Variants in GAD2 observed in about 807,000 individuals in gnomAD.
GAD2 encodes 65 kDa glutamic acid decarboxylase.
Under a neutral mutation model 80.1 loss-of-function variants are expected in GAD2, and 22 were observed. The ratio of observed to expected loss-of-function variants is 0.27; its 90% CI spans 0.20 to 0.39. The LOEUF is 0.39. GAD2 is among the 10% of genes least tolerant of loss of function. GAD2 has a pLI of 1.00. For synonymous variants in GAD2, 274 were observed against 256.9 expected (o/e 1.07, Z -0.64); for missense variants, 624 against 738.4 (o/e 0.85, Z 1.80).
intron 7 of GAD2, among the ~76,000 whole-genome samples, chr10:26,235,854 C>T (rs1844663877): frequency 6.6e-6 from 1 of 152,214 alleles, no homozygotes; most frequent in Non-Finnish European, 1.5e-5. Context: ...CCAAATTCCT[C>T]TTATTTCTTT....
At chr10:26,284,133 CT>C (rs1158183941) in intron 12 of GAD2, among the ~76,000 whole-genome samples, 3 of 152,152 alleles carry the variant, frequency 2.0e-5, no homozygotes, top group Non-Finnish European at 2.9e-5. Context: ...AAATCCAAGA[CT>C]TTATGATGCT....
intron 11 of GAD2, among the ~76,000 whole-genome samples, chr10:26,279,158 A>G (rs1845244855): frequency 6.6e-6 from 1 of 152,184 alleles, no homozygotes; most frequent in Admixed American, 6.5e-5. Flanking sequence ...GAGCCATGAC[A>G]TTCACAGTGG....
chr10:26,221,125 G>A (rs764524478), intron 4 of GAD2, among the ~76,000 whole-genome samples: 1 of 152,160 alleles, frequency 6.6e-6, no homozygotes, highest in Admixed American at 6.5e-5. Context: ...TCTCTATTCA[G>A]CTGGCAACTT....
intron 8 of GAD2, among the ~76,000 whole-genome samples, chr10:26,266,294 C>G (rs370242703): frequency 3.3e-5 from 5 of 152,288 alleles, no homozygotes; most frequent in East Asian, 1.9e-4. Flanking sequence ...CTGACCTACT[C>G]AATCAAAATC....
At chr10:26,279,910 C>T (rs1040375561) in intron 11 of GAD2, among the ~76,000 whole-genome samples, 10 of 152,164 alleles carry the variant, frequency 6.6e-5, no homozygotes, top group Admixed American at 4.6e-4. Context: ...TACAAAAGGA[C>T]GCATCTGAGA....
At chr10:26,277,960 G>A (rs1845230556) in intron 11 of GAD2, among the ~76,000 whole-genome samples, 1 of 151,886 alleles carries the variant, frequency 6.6e-6, no homozygotes, top group Non-Finnish European at 1.5e-5. Context: ...GAATCCCACA[G>A]CAAAACATTT....
In GAD2 at chr10:26,300,777, C is replaced by T; in HGVS notation, c.1585-11C>T. 1 of 1,612,820 alleles carries T rather than the reference C, an allele frequency of 6.2e-7. No homozygotes were observed. The highest frequency in any genetic ancestry group is 8.5e-7 in the Non-Finnish European group (1 of 1,179,072). On this transcript the variant is annotated splice_polypyrimidine_tract_variant and intron_variant, in intron 15 of 15. Transcript: ENST00000376261. ...GAGAAAGTCACCATGCTGATATGGTCTGTCCCACAGGTGGCTCCAGTGATT... is the reference window on the plus strand; with the variant it reads ...GAGAAAGTCACCATGCTGATATGGTTTGTCCCACAGGTGGCTCCAGTGATT...
intron 8 of GAD2, among the ~76,000 whole-genome samples, chr10:26,255,945 G>C (rs1368596130): frequency 6.6e-6 from 1 of 152,034 alleles, no homozygotes; most frequent in African/African-American, 2.4e-5. Context: ...GGCCAGCCTG[G>C]GCTTAGCCTA....
chr10:26,254,609 G>A (rs939533783), intron 8 of GAD2, among the ~76,000 whole-genome samples: 6 of 152,238 alleles, frequency 3.9e-5, no homozygotes, highest in Non-Finnish European at 7.3e-5. Flanking sequence ...TGTCATGTGG[G>A]CCTTATGAGC....
intron 7 of GAD2, among the ~76,000 whole-genome samples, chr10:26,240,959 G>A (rs929763371): frequency 2.7e-5 from 4 of 150,332 alleles, no homozygotes; most frequent in African/African-American, 4.9e-5. Context: ...GAAGAATGGC[G>A]TGAATCCGGG....
intron 8 of GAD2, among the ~76,000 whole-genome samples, chr10:26,267,667 T>G (rs1017575386): frequency 3.3e-5 from 5 of 152,342 alleles, no homozygotes; most frequent in East Asian, 1.9e-4. Flanking sequence ...GGTAATTGTC[T>G]TTCTTTGGGA....
intron 8 of GAD2, among the ~76,000 whole-genome samples, chr10:26,258,748 T>G (rs1385643221): frequency 1.3e-5 from 2 of 152,160 alleles, no homozygotes; most frequent in African/African-American, 2.4e-5. Context: ...CCATCGTATG[T>G]GTAGATCACA....
intron 8 of GAD2, among the ~76,000 whole-genome samples, chr10:26,265,965 A>G (rs562370415): frequency 1.3e-5 from 2 of 152,326 alleles, no homozygotes; most frequent in Non-Finnish European, 2.9e-5. Context: ...GCTCCAAACC[A>G]TGGCACATAT....
At chr10:26,265,273 G>A (rs182120311) in intron 8 of GAD2, among the ~76,000 whole-genome samples, 242 of 149,882 alleles carry the variant, frequency 1.6e-3, no homozygotes, top group African/African-American at 5.5e-3. Flanking sequence ...GCACAATCTC[G>A]GCTCACTGCA....
chr10:26,298,281 C>T (rs1834295963), intron 15 of GAD2, among the ~76,000 whole-genome samples: 1 of 152,192 alleles, frequency 6.6e-6, no homozygotes, highest in East Asian at 1.9e-4. Context: ...CCACAGATCA[C>T]ATATATTCAT....
intron 3 of GAD2, 78 bp downstream of exon 3, chr10:26,218,069 C>A: frequency 1.4e-6 from 2 of 1,445,826 alleles, no homozygotes; most frequent in Non-Finnish European, 9.3e-7. Context: ...GCGGGTCCGG[C>A]GCTGAGAGCC....
chr10:26,277,163 G>T lies in GAD2; in HGVS notation c.1157+3463G>T, dbSNP rs146350795. Among the ~76,000 whole-genome samples, 276 of 152,318 alleles carry T rather than the reference G, an allele frequency of 1.8e-3. 6 individuals carry two copies. The East Asian group carries it at 0.032, about 18-fold the overall frequency. On this transcript the variant is annotated intron_variant, in intron 11 of 15. Transcript: ENST00000376261. ...CATAGCATACAGGGTACTTCATCGG[G>T]CAGAAATGGAAAAGGGCATTCAGGC...
At chr10:26,269,574 A>G (rs1307886333) in intron 9 of GAD2, among the ~76,000 whole-genome samples, 3 of 152,224 alleles carry the variant, frequency 2.0e-5, no homozygotes, top group African/African-American at 7.2e-5. Context: ...GCATGCTGTT[A>G]GCATTGGCTC....
intron 12 of GAD2, among the ~76,000 whole-genome samples, chr10:26,284,587 T>TTTTTA (rs1845308864): frequency 2.1e-5 from 3 of 146,180 alleles, no homozygotes; most frequent in African/African-American, 7.8e-5. Context: ...TTTTTTTTTT[T>TTTTTA]GAGACGGGGT....
Sources: allele counts gnomAD v4.1 joint callset (sites outside exome capture counted in the v4.1 genomes callset), GRCh38; gene constraint gnomAD v4.1.1; transcripts MANE v1.5; gene names NCBI Gene and HGNC (gene_info 2026-07-23, HGNC 2026-07-21).